Variants in PLCL1 observed in about 807,000 individuals in gnomAD.
The protein encoded by PLCL1 is phospholipase C like 1 (inactive), also known as inactive phospholipase C-like protein 1.
A neutral mutation model predicts 84.4 loss-of-function variants in PLCL1; 41 were observed. The ratio of observed to expected loss-of-function variants is 0.49; its 90% CI spans 0.38 to 0.63. The LOEUF is 0.63. Among genes scored for constraint, PLCL1 ranks in the 30% least tolerant of loss-of-function variants. The probability of loss-of-function intolerance (pLI) is 0.00; values close to 1 mark genes in which losing one functional copy is unlikely to be tolerated. For synonymous variants in PLCL1, 490 were observed against 488.3 expected (o/e 1.00, Z -0.05); for missense variants, 1,206 against 1,367.8 (o/e 0.88, Z 1.87).
intron 1 of PLCL1, among the ~76,000 whole-genome samples, chr2:198,039,054 TA>T (rs1691604577): frequency 6.6e-6 from 1 of 152,122 alleles, no homozygotes; most frequent in Admixed American, 6.6e-5. Flanking sequence ...AATGACTGCT[TA>T]AAAACAAACC....
chr2:197,923,487 G>T (rs1354421036), intron 1 of PLCL1, among the ~76,000 whole-genome samples: 4 of 146,230 alleles, frequency 2.7e-5, no homozygotes, highest in Admixed American at 2.7e-4. Context: ...ACGGGGTCTC[G>T]GCCGGGCAGA....
chr2:197,995,416 G>A (rs551287363), intron 1 of PLCL1, among the ~76,000 whole-genome samples: 4 of 152,122 alleles, frequency 2.6e-5, no homozygotes, highest in East Asian at 1.9e-4. Context: ...GCTTGCTATC[G>A]CCATCCAATG....
chr2:197,921,125 C>A (rs1201206912), intron 1 of PLCL1, among the ~76,000 whole-genome samples: 1 of 151,942 alleles, frequency 6.6e-6, no homozygotes, highest in Non-Finnish European at 1.5e-5. Flanking sequence ...ATACTGTAGG[C>A]AATTATAACA....
chr2:197,890,098 T>A (rs1687986998), intron 1 of PLCL1, among the ~76,000 whole-genome samples: 1 of 152,112 alleles, frequency 6.6e-6, no homozygotes, highest in South Asian at 2.1e-4. Flanking sequence ...CTTTGAAAGG[T>A]GAGAGAAGAG....
chr2:198,034,611 G>A (rs1691511692), intron 1 of PLCL1, among the ~76,000 whole-genome samples: 1 of 152,148 alleles, frequency 6.6e-6, no homozygotes, highest in African/African-American at 2.4e-5. Context: ...TTATACCTCA[G>A]TGTGCATTTT....
intron 5 of PLCL1, among the ~76,000 whole-genome samples, chr2:198,146,061 A>G (rs1027169662): frequency 6.6e-6 from 1 of 152,168 alleles, no homozygotes; most frequent in African/African-American, 2.4e-5. Context: ...CTAAAATAAG[A>G]AATAAAAATA....
At chr2:197,997,205 C>T (rs185652405) in intron 1 of PLCL1, among the ~76,000 whole-genome samples, 3 of 152,326 alleles carry the variant, frequency 2.0e-5, no homozygotes, top group East Asian at 1.9e-4. Flanking sequence ...CCACAGAGTC[C>T]GCTCCCATTT....
intron 5 of PLCL1, among the ~76,000 whole-genome samples, chr2:198,117,999 C>T (rs1391448722): frequency 1.3e-5 from 2 of 151,708 alleles, no homozygotes; most frequent in African/African-American, 4.8e-5. Flanking sequence ...ATCATAGGCT[C>T]GTTTCTTATA....
intron 1 of PLCL1, among the ~76,000 whole-genome samples, chr2:198,070,501 T>A (rs1375181286): frequency 1.3e-5 from 2 of 152,086 alleles, no homozygotes; most frequent in Non-Finnish European, 2.9e-5. Context: ...GACATTCTTT[T>A]CACCACAGCT....
At chr2:197,951,866 CATTG>C (rs1689397123) in intron 1 of PLCL1, among the ~76,000 whole-genome samples, 5 of 152,064 alleles carry the variant, frequency 3.3e-5, no homozygotes, top group South Asian at 2.1e-4. Flanking sequence ...GTAGAAATCC[CATTG>C]ATTGATTGAG....
intron 1 of PLCL1, among the ~76,000 whole-genome samples, chr2:197,961,262 A>AGAGAGAGAGAGAGAGAGAGAGAGC (rs1689616359): frequency 6.6e-6 from 1 of 151,776 alleles, no homozygotes; most frequent in African/African-American, 2.4e-5. Flanking sequence ...AGAGAGAGAG[A>AGAGAGAGAGAGAGAGAGAGAGAGC]GAGAGCGAGC....
intron 1 of PLCL1, among the ~76,000 whole-genome samples, chr2:197,922,983 C>T (rs1257041823): frequency 2.9e-5 from 3 of 103,848 alleles, no homozygotes; most frequent in Non-Finnish European, 4.0e-5. Context: ...CCGGACCGGG[C>T]GGCTGGCCGG....
chr2:197,857,451 A>T (rs1444809230), intron 1 of PLCL1, among the ~76,000 whole-genome samples: 1 of 152,204 alleles, frequency 6.6e-6, no homozygotes, highest in East Asian at 1.9e-4. Flanking sequence ...AAACTACTAT[A>T]GTACTGCTGA....
intron 5 of PLCL1, among the ~76,000 whole-genome samples, chr2:198,145,884 T>A (rs868038284): frequency 6.6e-6 from 1 of 152,172 alleles, no homozygotes; most frequent in Non-Finnish European, 1.5e-5. Context: ...CATATTGTCC[T>A]TTCAAGGTCA....
chr2:198,001,974 A>G (rs945373859), intron 1 of PLCL1: 2 of 441,712 alleles, frequency 4.5e-6, no homozygotes, highest in Admixed American at 2.4e-5. Context: ...AGTTGCAGGA[A>G]AACAGCTCAG....
chr2:198,106,993 A>G (rs1693491556), intron 5 of PLCL1, among the ~76,000 whole-genome samples: 1 of 151,872 alleles, frequency 6.6e-6, no homozygotes, highest in Non-Finnish European at 1.5e-5. Flanking sequence ...GAGTCCCTGT[A>G]TTAGTCTTTT....
At chr2:197,884,351 T>C (rs1687880918) in intron 1 of PLCL1, among the ~76,000 whole-genome samples, 1 of 152,222 alleles carries the variant, frequency 6.6e-6, no homozygotes, top group South Asian at 2.1e-4. Context: ...AAAGTTTAGC[T>C]CCCAGTTGAG....
intron 1 of PLCL1, among the ~76,000 whole-genome samples, chr2:198,035,400 C>CA (rs1691532275): frequency 6.6e-6 from 1 of 152,214 alleles, no homozygotes; most frequent in South Asian, 2.1e-4. Context: ...TATTCACCAA[C>CA]AAAAATCAAC....
chr2:197,960,534 G>A (rs1689594960), intron 1 of PLCL1, among the ~76,000 whole-genome samples: 1 of 152,032 alleles, frequency 6.6e-6, no homozygotes, highest in Non-Finnish European at 1.5e-5. Context: ...ACAAAATGGT[G>A]ATATTAGAGC....
Sources: allele counts gnomAD v4.1 joint callset (sites outside exome capture counted in the v4.1 genomes callset), GRCh38; gene constraint gnomAD v4.1.1; transcripts MANE v1.5; gene names NCBI Gene and HGNC (gene_info 2026-07-23, HGNC 2026-07-21).